ZBTB20: variants seen among roughly 807,000 people sequenced by gnomAD.
The protein encoded by ZBTB20 is zinc finger and BTB domain-containing protein 20.
In ZBTB20, 9 loss-of-function variants were observed where a neutral mutation model predicts 56.9. The ratio of observed to expected loss-of-function variants is 0.16; its 90% CI spans 0.10 to 0.28. The LOEUF is 0.28. Ranked by LOEUF, ZBTB20 falls within the 10% of genes least tolerant of loss-of-function variation. The pLI is 1.00. For synonymous variants in ZBTB20, 417 were observed against 420.7 expected, an observed-to-expected ratio of 0.99 and a Z score of 0.11; for missense variants, 655 against 1,003.0, an observed-to-expected ratio of 0.65 and a Z score of 4.69.
At chr3:115,000,139 G>A (rs1168129914) in intron 2 of ZBTB20, among the ~76,000 whole-genome samples, 1 of 151,314 alleles carries the variant, frequency 6.6e-6, no homozygotes, top group East Asian at 1.9e-4. Context: ...AACTTTGAAG[G>A]CACTGTTATC....
At chr3:114,465,825 A>G (rs1057289671) in intron 7 of ZBTB20, among the ~76,000 whole-genome samples, 1 of 152,170 alleles carries the variant, frequency 6.6e-6, no homozygotes, top group Non-Finnish European at 1.5e-5. Flanking sequence ...TAAAACAAAT[A>G]TAAAAGACAG....
chr3:114,937,642 G>A (rs1240330291), intron 3 of ZBTB20, among the ~76,000 whole-genome samples: 7 of 151,688 alleles, frequency 4.6e-5, no homozygotes, highest in African/African-American at 9.7e-5. Context: ...AGGATGGTCT[G>A]GACCTCCTGA....
chr3:114,995,367 T>C (rs978864197), intron 2 of ZBTB20, among the ~76,000 whole-genome samples: 1 of 151,938 alleles, frequency 6.6e-6, no homozygotes, highest in Non-Finnish European at 1.5e-5. Flanking sequence ...ATGACAAGCA[T>C]TGTGAGTTTT....
At chr3:114,582,263 TA>T (rs1559991478) in intron 6 of ZBTB20, 1 of 152,220 alleles carries the variant, frequency 6.6e-6, no homozygotes, top group African/African-American at 2.4e-5. Context: ...TCACTGTATG[TA>T]ACCTATAATA....
At chr3:114,481,064 T>C (rs1172378948) in intron 7 of ZBTB20, among the ~76,000 whole-genome samples, 2 of 152,098 alleles carry the variant, frequency 1.3e-5, no homozygotes, top group Admixed American at 1.3e-4. Flanking sequence ...TTCTGACAGA[T>C]TGGAGTGTTA....
At chr3:114,962,565 A>T (rs184506274) in intron 3 of ZBTB20, among the ~76,000 whole-genome samples, 1 of 152,142 alleles carries the variant, frequency 6.6e-6, no homozygotes, top group Non-Finnish European at 1.5e-5. Flanking sequence ...GGGCAGCAGT[A>T]TAATATAAAA....
At chr3:114,343,202 C>T (rs1289107352) in intron 11 of ZBTB20, among the ~76,000 whole-genome samples, 1 of 151,474 alleles carries the variant, frequency 6.6e-6, no homozygotes, top group African/African-American at 2.4e-5. Flanking sequence ...GAGGGTTCTG[C>T]CTGAAGCTCA....
rs60134274 is a variant in ZBTB20 at position 115,101,888 on chromosome 3, TA to T, written c.-702-30475del. Among the ~76,000 whole-genome samples, 894 of 152,134 alleles carry T rather than the reference TA, an allele frequency of 5.9e-3. 12 individuals are homozygous for T. Among genetic ancestry groups the T allele is most frequent in the African/African-American group, 0.021 (862 of 41,534 alleles). On this transcript the variant is annotated intron_variant, in intron 1 of 11. Coordinates refer to ENST00000675478, the MANE Select transcript of ZBTB20 (RefSeq NM_001348800.3). ...AAACAACAGCTTCAATTCTTTTGTT[TA>T]AAAAAAATCAGTTTTCAATTAAAAA... is the stretch of plus-strand genomic sequence containing the variant.
chr3:115,034,086 T>TA (rs915802049), intron 2 of ZBTB20, among the ~76,000 whole-genome samples: 10 of 151,248 alleles, frequency 6.6e-5, no homozygotes, highest in African/African-American at 2.4e-4. Context: ...AGAATAAAAG[T>TA]AAAAAACCCT....
intron 5 of ZBTB20, among the ~76,000 whole-genome samples, chr3:114,773,356 C>T (rs2069352746): frequency 6.6e-6 from 1 of 152,112 alleles, no homozygotes; most frequent in East Asian, 1.9e-4. Flanking sequence ...AACATACTAT[C>T]CCAGTCCAAA....
chr3:114,902,349 G>A (rs932087987), intron 3 of ZBTB20, among the ~76,000 whole-genome samples: 3 of 152,134 alleles, frequency 2.0e-5, no homozygotes, highest in African/African-American at 7.2e-5. Context: ...GTTTGGCACT[G>A]CAACGTGCTA....
intron 6 of ZBTB20, among the ~76,000 whole-genome samples, chr3:114,599,029 C>T (rs2056555521): frequency 6.6e-6 from 1 of 152,178 alleles, no homozygotes; most frequent in Non-Finnish European, 1.5e-5. Context: ...TTCTTAGACA[C>T]CTTCACCACC....
intron 4 of ZBTB20, among the ~76,000 whole-genome samples, chr3:114,896,391 T>C (rs141397177): frequency 2.3e-4 from 35 of 152,242 alleles, no homozygotes; most frequent in African/African-American, 8.2e-4. Context: ...ATGTGGTATA[T>C]ACATGCAATT....
intron 6 of ZBTB20, among the ~76,000 whole-genome samples, chr3:114,569,034 T>C (rs1172514677): frequency 6.6e-6 from 1 of 152,222 alleles, no homozygotes; most frequent in African/African-American, 2.4e-5. Flanking sequence ...AATCAAGTTA[T>C]AACAGGTATT....
intron 2 of ZBTB20, among the ~76,000 whole-genome samples, chr3:115,069,431 T>TGG (rs2082325610): frequency 6.6e-6 from 1 of 152,120 alleles, no homozygotes; most frequent in South Asian, 2.1e-4. Context: ...TCCACACACC[T>TGG]CCACTAATAT....
At position 114,330,958 on chromosome 3, in the gene ZBTB20, A is replaced by G. The variant is rs1338014694; in HGVS notation, c.*8047T>C. ...CAAAAAACATTCCCCCCAACAGTCT[A>G]TTGGTTTGCTAGACATGGTAAACAA... On this transcript the variant is annotated 3_prime_UTR_variant, in exon 12 of 12. Coordinates refer to ENST00000675478, the MANE Select transcript of ZBTB20 (RefSeq NM_001348800.3). 1.3e-5 allele frequency: 2 copies of G among 152,254 alleles called. No homozygotes were observed. The highest frequency in any genetic ancestry group is 2.9e-5 in the Non-Finnish European group (2 of 68,060). The allele number at this position is 152,254 out of a possible 1,614,324, so 9.4% of individuals were successfully genotyped here.
At chr3:114,555,231 T>C (rs980335189) in intron 6 of ZBTB20, among the ~76,000 whole-genome samples, 14 of 152,182 alleles carry the variant, frequency 9.2e-5, no homozygotes, top group African/African-American at 1.2e-4. Flanking sequence ...CTTCTAGAGA[T>C]GAAAATGAAC....
chr3:114,698,362 T>C (rs2063181153), intron 5 of ZBTB20, among the ~76,000 whole-genome samples: 1 of 152,116 alleles, frequency 6.6e-6, no homozygotes, highest in Admixed American at 6.6e-5. Context: ...AGGAACAATA[T>C]TCATAAAGAA....
At chr3:115,039,263 A>G (rs150004035) in intron 2 of ZBTB20, among the ~76,000 whole-genome samples, 2,359 of 152,196 alleles carry the variant, frequency 0.015, 33 homozygotes, top group South Asian at 0.049. Flanking sequence ...GACTAGAATC[A>G]TAACATATTT....
Sources: gnomAD v4.1 joint callset for allele counts (sites outside exome capture counted in the v4.1 genomes callset) on GRCh38, gnomAD v4.1.1 for gene constraint, MANE v1.5 for transcripts, NCBI Gene and HGNC (gene_info 2026-07-23, HGNC 2026-07-21) for gene names.